The following C2orf66 variants were observed in gnomAD, a reference collection of about 807,000 sequenced individuals.
The protein encoded by C2orf66 is uncharacterized protein C2orf66.
In C2orf66, 6 loss-of-function variants were observed where a neutral mutation model predicts 7.0. The observed-to-expected ratio is 0.86, with a 90% CI of 0.47 to 1.69. The LOEUF is 1.69. Among genes scored for constraint, C2orf66 ranks in the 40% most tolerant of loss-of-function variants. The pLI is 0.01. For missense variants in C2orf66, 107 were observed against 112.0 expected (o/e 0.96, Z 0.20); for synonymous variants, 38 against 43.8 (o/e 0.87, Z 0.52).
At chr2:196,825,293 A>G in the C2orf66 span, among the ~76,000 whole-genome samples, 1 of 152,070 alleles carries the variant, frequency 6.6e-6, no homozygotes, top group Non-Finnish European at 1.5e-5. Context: ...ACACATGGCC[A>G]ACAGGTATAT....
At chr2:196,817,380 G>T in the C2orf66 span, among the ~76,000 whole-genome samples, 1 of 151,732 alleles carries the variant, frequency 6.6e-6, no homozygotes, top group Non-Finnish European at 1.5e-5. Flanking sequence ...GACCACAGGC[G>T]CCTGCCACCA....
the C2orf66 span, among the ~76,000 whole-genome samples, chr2:196,814,606 TTATAG>T: frequency 6.6e-6 from 1 of 152,028 alleles, no homozygotes; most frequent in East Asian, 1.9e-4. Context: ...TTTACTGAGA[TTATAG>T]TAAAAAGTCA....
rs747745080 is a variant in C2orf66, at chr2:196,807,634, A to C, written c.124-12T>G. The stretch of plus-strand genomic sequence containing the variant: ...AGCCTTCTGAAAAACTAAAGAGAGA[A>C]AGAAAATGGTCAATGCCAGATATAA... On this transcript the variant is annotated splice_polypyrimidine_tract_variant and intron_variant, in intron 1 of 2. Transcript: ENST00000342506. The C allele has an allele frequency of 6.9e-6, 11 of 1,598,472 alleles. No homozygotes were observed. The highest frequency in any genetic ancestry group is 6.8e-5 in the South Asian group (6 of 87,608).
At chr2:196,807,075 A>T (rs1201876063) in intron 2 of C2orf66, among the ~76,000 whole-genome samples, 1 of 152,196 alleles carries the variant, frequency 6.6e-6, no homozygotes, top group Non-Finnish European at 1.5e-5. Context: ...TTCTTTATGT[A>T]GATTTTCCAC....
chr2:196,823,450 C>A, the C2orf66 span, among the ~76,000 whole-genome samples: 2 of 151,914 alleles, frequency 1.3e-5, no homozygotes, highest in African/African-American at 2.4e-5. Context: ...TGGCCAAATC[C>A]TGCCTCTGCA....
the C2orf66 span, among the ~76,000 whole-genome samples, chr2:196,815,653 G>T: frequency 6.6e-6 from 1 of 152,098 alleles, no homozygotes; most frequent in East Asian, 1.9e-4. Context: ...ACACATGAAA[G>T]AAATCCAACA....
the C2orf66 span, among the ~76,000 whole-genome samples, chr2:196,823,327 G>T: frequency 6.6e-6 from 1 of 152,056 alleles, no homozygotes; most frequent in Non-Finnish European, 1.5e-5. Flanking sequence ...TAGGGAGGGA[G>T]AGAAATTACT....
chr2:196,821,951 TTTTTTTTTTG>T, the C2orf66 span, among the ~76,000 whole-genome samples: 1 of 136,674 alleles, frequency 7.3e-6, no homozygotes, highest in Non-Finnish European at 1.6e-5. Flanking sequence ...TTTTTTTTTT[TTTTTTTTTTG>T]AGACAGAGTC....
the C2orf66 span, among the ~76,000 whole-genome samples, chr2:196,814,512 G>A: frequency 1.1e-4 from 16 of 151,966 alleles, no homozygotes; most frequent in African/African-American, 2.7e-4. Context: ...CATGGCATGC[G>A]TATACCTGTA....
upstream of C2orf66, among the ~76,000 whole-genome samples, chr2:196,811,255 A>G (rs1300245632): frequency 1.3e-5 from 2 of 152,188 alleles, no homozygotes; most frequent in Admixed American, 1.3e-4. Flanking sequence ...ATGCTAACTG[A>G]TTAAAGGGTT....
At chr2:196,815,790 C>A in the C2orf66 span, among the ~76,000 whole-genome samples, 1 of 152,108 alleles carries the variant, frequency 6.6e-6, no homozygotes, top group Non-Finnish European at 1.5e-5. Context: ...ACTATATAAC[C>A]TTTTCAAACC....
chr2:196,817,291 G>C, the C2orf66 span, among the ~76,000 whole-genome samples: 1 of 144,174 alleles, frequency 6.9e-6, no homozygotes, highest in African/African-American at 2.7e-5. Flanking sequence ...CTGGAGTGCA[G>C]TGGCGAGATC....
chr2:196,824,671 A>G, the C2orf66 span, among the ~76,000 whole-genome samples: 4 of 152,234 alleles, frequency 2.6e-5, no homozygotes, highest in Non-Finnish European at 4.4e-5. Context: ...TCGTGAAGTA[A>G]TAATAGACAG....
chr2:196,817,860 C>G, the C2orf66 span, among the ~76,000 whole-genome samples: 216 of 152,286 alleles, frequency 1.4e-3, no homozygotes, highest in African/African-American at 5.0e-3. Context: ...GCTCGTTTTG[C>G]CCAACCCACA....
chr2:196,818,025 G>A, the C2orf66 span, among the ~76,000 whole-genome samples: 2 of 152,178 alleles, frequency 1.3e-5, no homozygotes, highest in African/African-American at 2.4e-5. Context: ...CTGAGGTGAC[G>A]TACATCCTCA....
Position 196,807,403 on chromosome 2 carries a change from GA to G in C2orf66, c.*19+20del. 6.7e-7 allele frequency: 1 copy of G among 1,486,248 alleles called. No homozygotes were observed. The highest frequency in any genetic ancestry group is 9.2e-7 in the Non-Finnish European group (1 of 1,082,248). 92.1% of individuals were successfully genotyped at this position (1,486,248 alleles called of 1,614,324 possible). A position where few individuals can be genotyped will look rare whatever the true frequency, so the allele number is the denominator to read the frequency against. On this transcript the variant is annotated intron_variant, in intron 2 of 2. Coordinates refer to ENST00000342506, the MANE Select transcript of C2orf66 (RefSeq NM_213608.3). Reference sequence around the variant, plus strand: ...TGACTTGTATGTTTGGACAGATCCAGAATAAAGGGCCAACTTTTACCTGAGC... The same window carrying G: ...TGACTTGTATGTTTGGACAGATCCAGATAAAGGGCCAACTTTTACCTGAGC...
intron 2 of C2orf66, among the ~76,000 whole-genome samples, chr2:196,805,628 C>G (rs1363810281): frequency 6.6e-6 from 1 of 151,718 alleles, no homozygotes; most frequent in Non-Finnish European, 1.5e-5. Flanking sequence ...TTTTATGATA[C>G]CACCAACTGG....
chr2:196,826,928 G>A, the C2orf66 span, among the ~76,000 whole-genome samples: 1 of 152,018 alleles, frequency 6.6e-6, no homozygotes, highest in East Asian at 1.9e-4. Flanking sequence ...CTACTCAGGA[G>A]GCTAAGGCAG....
At chr2:196,810,805 T>C, upstream of C2orf66, among the ~76,000 whole-genome samples, 1 of 152,212 alleles carries the variant, frequency 6.6e-6, no homozygotes, top group East Asian at 1.9e-4. Flanking sequence ...GTGCCTACTA[T>C]GTGCCAGGTA....
Sources: gnomAD v4.1 joint callset for allele counts (sites outside exome capture counted in the v4.1 genomes callset) on GRCh38, gnomAD v4.1.1 for gene constraint, MANE v1.5 for transcripts, NCBI Gene and HGNC (gene_info 2026-07-23, HGNC 2026-07-21) for gene names.